Variants in ASRGL1 observed in about 807,000 individuals in gnomAD.
ASRGL1 encodes the protein isoaspartyl peptidase/L-asparaginase.
A neutral mutation model predicts 22.4 loss-of-function variants in ASRGL1; 16 were observed. The ratio of observed to expected loss-of-function variants is 0.71; its 90% CI spans 0.48 to 1.08. The LOEUF (loss-of-function observed/expected upper bound fraction) is 1.08, where lower values mean the gene tolerates loss of function less well. Among genes scored for constraint, ASRGL1 ranks in the 50% least tolerant of loss-of-function variants. The pLI, the probability that ASRGL1 is intolerant of heterozygous loss-of-function variation, is 0.00. For synonymous variants in ASRGL1, 165 were observed against 159.3 expected, an observed-to-expected ratio of 1.04 and a Z score of -0.27; for missense variants, 412 against 410.1, an observed-to-expected ratio of 1.00 and a Z score of -0.04.
At chr11:62,393,460 G>A (rs1441253241), downstream of ASRGL1, 2 of 152,140 alleles carry the variant, frequency 1.3e-5, no homozygotes, top group African/African-American at 2.4e-5. Context: ...GAATGTACAC[G>A]AGCTCCCCCC....
At chr11:62,372,977 G>C in intron 4 of ASRGL1, 1 of 1,438,022 alleles carries the variant, frequency 7.0e-7, no homozygotes, top group Non-Finnish European at 9.8e-7. Context: ...GCCCATCACC[G>C]ACCTTTGGGG....
At chr11:62,383,486 C>G (rs1189290287) in intron 4 of ASRGL1, among the ~76,000 whole-genome samples, 5 of 150,048 alleles carry the variant, frequency 3.3e-5, no homozygotes, top group Non-Finnish European at 7.4e-5. Context: ...GCCTGTAGTC[C>G]CAGCTACTCG....
At chr11:62,339,231 G>A (rs1945807075) in intron 2 of ASRGL1, among the ~76,000 whole-genome samples, 1 of 152,164 alleles carries the variant, frequency 6.6e-6, no homozygotes, top group South Asian at 2.1e-4. Context: ...CACTTTCAGG[G>A]CTTGCTATCT....
intron 4 of ASRGL1, among the ~76,000 whole-genome samples, chr11:62,361,401 G>A (rs370995577): frequency 5.3e-5 from 8 of 150,394 alleles, no homozygotes; most frequent in East Asian, 3.9e-4. Context: ...GCCCAGGCTC[G>A]TCTTAAGCTC....
intron 4 of ASRGL1, among the ~76,000 whole-genome samples, chr11:62,360,841 G>A (rs989320773): frequency 3.3e-5 from 5 of 152,020 alleles, no homozygotes; most frequent in Admixed American, 6.6e-5. Context: ...GAAAGAGGCC[G>A]AATAAACAAT....
At chr11:62,343,308 G>T (rs942044846) in intron 2 of ASRGL1, among the ~76,000 whole-genome samples, 8 of 147,202 alleles carry the variant, frequency 5.4e-5, no homozygotes, top group Non-Finnish European at 1.0e-4. Context: ...AACCTGGGAG[G>T]TAGAGGTCGC....
At chr11:62,338,242 AGT>A (rs1178708015) in intron 2 of ASRGL1, 75 bp downstream of exon 2, 3 of 1,359,018 alleles carry the variant, frequency 2.2e-6, no homozygotes, top group Admixed American at 3.0e-5. Flanking sequence ...GAACCTACAT[AGT>A]GTTAGGGAAT....
At chr11:62,362,843 C>CACACACACACACACACACACAT (rs1491198718) in intron 4 of ASRGL1, among the ~76,000 whole-genome samples, 4 of 116,882 alleles carry the variant, frequency 3.4e-5, no homozygotes, top group Non-Finnish European at 6.7e-5. Context: ...CACACACACA[C>CACACACACACACACACACACAT]ATCCATATAA....
chr11:62,346,968 CAAAA>C (rs35854084), intron 2 of ASRGL1, among the ~76,000 whole-genome samples: 11 of 133,666 alleles, frequency 8.2e-5, no homozygotes, highest in African/African-American at 8.5e-5. Flanking sequence ...GACTCCGTCT[CAAAA>C]AAAAAAAAAA....
At chr11:62,389,455 T>C (rs922613197) in intron 5 of ASRGL1, 17 of 653,764 alleles carry the variant, frequency 2.6e-5, no homozygotes, top group Non-Finnish European at 4.8e-5. Flanking sequence ...CTGGCGCCAC[T>C]GTTTTTACTA....
chr11:62,372,048 C>A, intron 4 of ASRGL1: 1 of 749,936 alleles, frequency 1.3e-6, no homozygotes, highest in Non-Finnish European at 2.5e-6. Flanking sequence ...GGGTGCCTGG[C>A]GGGGGTCCGG....
At chr11:62,390,878 CTG>C (rs895179394) in intron 5 of ASRGL1, among the ~76,000 whole-genome samples, 15 of 152,302 alleles carry the variant, frequency 9.8e-5, no homozygotes, top group Admixed American at 7.8e-4. Flanking sequence ...CTAAAGGACT[CTG>C]AGGCTGGTAG....
chr11:62,361,916 C>G (rs995975596), intron 4 of ASRGL1, among the ~76,000 whole-genome samples: 5 of 152,094 alleles, frequency 3.3e-5, no homozygotes, highest in African/African-American at 1.2e-4. Flanking sequence ...GGCTTTATAT[C>G]TCCTCCTTAA....
chr11:62,344,492 T>A (rs1364741351), intron 2 of ASRGL1, among the ~76,000 whole-genome samples: 1 of 152,202 alleles, frequency 6.6e-6, no homozygotes, highest in Non-Finnish European at 1.5e-5. Flanking sequence ...AACCCAGCAT[T>A]GCAAACATTT....
intron 2 of ASRGL1, among the ~76,000 whole-genome samples, chr11:62,340,325 A>G (rs917861897): frequency 2.0e-5 from 3 of 152,162 alleles, no homozygotes; most frequent in African/African-American, 7.2e-5. Context: ...GTGTGCTTTC[A>G]TGGCTCCATT....
intron 4 of ASRGL1, among the ~76,000 whole-genome samples, chr11:62,385,505 TA>T (rs1272071192): frequency 2.0e-5 from 3 of 152,198 alleles, no homozygotes; most frequent in Non-Finnish European, 4.4e-5. Flanking sequence ...CTGCTGTAAA[TA>T]AAATTTTAAA....
intron 4 of ASRGL1, chr11:62,371,363 G>A: frequency 1.2e-6 from 1 of 805,652 alleles, no homozygotes; most frequent in Non-Finnish European, 1.9e-6. Context: ...GTGGCAGCAG[G>A]CAAGGTGGGC....
chr11:62,395,812 C>T (rs1295312207), downstream of ASRGL1, among the ~76,000 whole-genome samples: 1 of 127,718 alleles, frequency 7.8e-6, no homozygotes, highest in East Asian at 2.4e-4. Flanking sequence ...TGCTCTGTCA[C>T]CCAGGCTGGA....
chr11:62,392,428 T>A lies in ASRGL1; in HGVS notation c.*144T>A. The A allele has an allele frequency of 1.0e-6, 1 of 997,900 alleles. No individual in the cohort carries two copies. Among genetic ancestry groups the A allele is most frequent in the Middle Eastern group, 3.2e-4 (1 of 3,134 alleles). The allele number at this position is 997,900 out of a possible 1,614,324, so 61.8% of individuals were successfully genotyped here. ...TGTTGCCTTAATAAGCATCTGAATG[T>A]TTGGTTGTGGGGCGGGTTCTGAAGC... is the stretch of plus-strand genomic sequence containing the variant. On this transcript the variant is annotated 3_prime_UTR_variant, in exon 7 of 7. Coordinates refer to ENST00000415229, the MANE Select transcript of ASRGL1 (RefSeq NM_001083926.2).
Sources: gnomAD v4.1 joint callset for allele counts (sites outside exome capture counted in the v4.1 genomes callset) on GRCh38, gnomAD v4.1.1 for gene constraint, MANE v1.5 for transcripts, NCBI Gene and HGNC (gene_info 2026-07-23, HGNC 2026-07-21) for gene names.